Variants in DNAH3 observed in about 807,000 individuals in gnomAD.
DNAH3 encodes dynein axonemal heavy chain 3, also known as axonemal beta dynein heavy chain 3.
Under a neutral mutation model 432.5 loss-of-function variants are expected in DNAH3, and 332 were observed. That is an observed-to-expected ratio of 0.77 (90% CI 0.70 to 0.84). The LOEUF (loss-of-function observed/expected upper bound fraction) is 0.84, where lower values mean the gene tolerates loss of function less well. DNAH3 is among the 40% of genes least tolerant of loss of function. The probability of loss-of-function intolerance (pLI) is 0.00; values close to 1 mark genes in which losing one functional copy is unlikely to be tolerated. For missense variants in DNAH3, 4,861 were observed against 5,114.0 expected, an observed-to-expected ratio of 0.95 and a Z score of 1.51; for synonymous variants, 1,956 against 1,900.2, an observed-to-expected ratio of 1.03 and a Z score of -0.76.
In DNAH3 at chr16:21,031,095, C is replaced by T. The variant is rs776053278; in HGVS notation, c.5389G>A (p.Asp1797Asn). 3 of 1,614,148 alleles carry T rather than the reference C, an allele frequency of 1.9e-6. No homozygotes were observed. The highest frequency in any genetic ancestry group is 4.5e-5 in the East Asian group (2 of 44,884). ...TTCATATTTTCAATCCAAATAGCAT[C>T]CACTGGCCCATCAAATATAATCCAC... The change falls in exon 37 of 62, where the codon GAT becomes AAT. Residue 1797 changes from aspartate (D) to asparagine (N), a missense_variant. Transcript: ENST00000261383.
intron 26 of DNAH3, 128 bp from the exon 27 acceptor site, chr16:21,058,324 C>T (rs72780846): frequency 0.096 from 51,613 of 539,148 alleles, 2,660 homozygotes; most frequent in South Asian, 0.11. Context: ...TCAGACGCTA[C>T]AAGGCTTGAC....
intron 1 of DNAH3, among the ~76,000 whole-genome samples, chr16:21,158,983 C>T (rs1432948608): frequency 2.0e-5 from 3 of 151,684 alleles, no homozygotes; most frequent in Non-Finnish European, 2.9e-5. Context: ...TAAATGCACA[C>T]TCACCCCGCC....
At chr16:20,944,475 C>A in intron 58 of DNAH3, 21 bp downstream of exon 58, 2 of 1,613,690 alleles carry the variant, frequency 1.2e-6, no homozygotes, top group Non-Finnish European at 1.7e-6. Flanking sequence ...GGATTAAGCC[C>A]CCTTTCCCGA....
At chr16:21,019,985 G>T in intron 40 of DNAH3, 116 bp from the exon 41 acceptor site, 3 of 1,173,570 alleles carry the variant, frequency 2.6e-6, no homozygotes, top group African/African-American at 1.5e-5. Flanking sequence ...ACTGATATTG[G>T]CAGAGTGCCT....
rs2090023668 is a variant in DNAH3, at chr16:21,053,385, AG to A, written c.4039+1034del. On this transcript the variant is annotated intron_variant, in intron 28 of 61. Coordinates refer to ENST00000261383, the Ensembl canonical transcript of DNAH3. Reference sequence around the variant, plus strand: ...GTATGGTATGCCTGAGGGATCCAAGAGGAAAGCGAATTTCAAGGGTTTGAGT... The same window carrying A: ...GTATGGTATGCCTGAGGGATCCAAGAGAAAGCGAATTTCAAGGGTTTGAGT... Among the ~76,000 whole-genome samples, 8 of 152,144 alleles carry A rather than the reference AG, an allele frequency of 5.3e-5. 1 individual carries two copies. The highest frequency in any genetic ancestry group is 5.2e-4 in the Admixed American group (8 of 15,280).
rs1245657504 is a variant in DNAH3 at position 20,994,586 on chromosome 16, T to C, written c.6601+2697A>G. Among the ~76,000 whole-genome samples the C allele has an allele frequency of 4.6e-5, 7 of 152,228 alleles. No homozygotes were observed. The East Asian group carries it at 1.3e-3, about 29-fold the overall frequency. On this transcript the variant is annotated intron_variant, in intron 44 of 61. Coordinates refer to ENST00000261383, the Ensembl canonical transcript of DNAH3. ...GTCGTGCAACCATCTCCACCATTCATCTACAGAACTTTCATCTTCCCAAAC... is the reference window on the plus strand; with the variant it reads ...GTCGTGCAACCATCTCCACCATTCACCTACAGAACTTTCATCTTCCCAAAC...
At chr16:20,956,056 T>A (rs1486726897) in intron 54 of DNAH3, among the ~76,000 whole-genome samples, 1 of 151,750 alleles carries the variant, frequency 6.6e-6, no homozygotes, top group Non-Finnish European at 1.5e-5. Context: ...GCCTCCCGAG[T>A]AGCTGGGACT....
At chr16:21,094,914 G>A (rs371574441) in intron 18 of DNAH3, among the ~76,000 whole-genome samples, 18 of 152,078 alleles carry the variant, frequency 1.2e-4, no homozygotes, top group East Asian at 3.9e-4. Context: ...CTTGCCTGCC[G>A]CCATGTAAGA....
At chr16:20,952,343 T>A in intron 56 of DNAH3, 90 bp downstream of exon 56, 1 of 783,816 alleles carries the variant, frequency 1.3e-6, no homozygotes, top group Non-Finnish European at 2.3e-6. Flanking sequence ...AGGGAGGGAG[T>A]ACATAAGTGA....
intron 18 of DNAH3, among the ~76,000 whole-genome samples, chr16:21,094,704 T>C (rs1204476631): frequency 6.6e-6 from 1 of 152,074 alleles, no homozygotes; most frequent in Non-Finnish European, 1.5e-5. Flanking sequence ...ACCCAGTGGC[T>C]GGTTGATATG....
At position 21,019,612 on chromosome 16, in the gene DNAH3, G is replaced by A. The variant is rs1200859046; in HGVS notation, c.6022+12C>T. 1 of 1,613,934 alleles carries A rather than the reference G, an allele frequency of 6.2e-7. No homozygotes were observed. Among genetic ancestry groups the A allele is most frequent in the Admixed American group, 1.7e-5 (1 of 59,966 alleles). On this transcript the variant is annotated intron_variant, in intron 41 of 61. Coordinates refer to ENST00000261383, the Ensembl canonical transcript of DNAH3. ...TATTATACTAGAACATAACAAACAG[G>A]TTCTAAATTACCTCTTTCTGGAAAG... is the stretch of plus-strand genomic sequence containing the variant.
chr16:21,097,948 G>A (rs2091731606), intron 17 of DNAH3, among the ~76,000 whole-genome samples: 2 of 152,148 alleles, frequency 1.3e-5, no homozygotes. Flanking sequence ...GATAAGTGAG[G>A]ATAATAACAG....
intron 6 of DNAH3, among the ~76,000 whole-genome samples, chr16:21,135,551 G>T (rs1666113835): frequency 6.6e-6 from 1 of 152,062 alleles, no homozygotes; most frequent in African/African-American, 2.4e-5. Context: ...AAATTAGCTG[G>T]GAGTGGTGGT....
chr16:20,972,085 G>A (rs2085365588), intron 51 of DNAH3, among the ~76,000 whole-genome samples: 1 of 152,176 alleles, frequency 6.6e-6, no homozygotes, highest in Non-Finnish European at 1.5e-5. Context: ...GGACTTTGGT[G>A]AATTGGAACA....
At chr16:21,083,879 C>T (rs2091277444) in intron 19 of DNAH3, among the ~76,000 whole-genome samples, 1 of 152,124 alleles carries the variant, frequency 6.6e-6, no homozygotes, top group African/African-American at 2.4e-5. Flanking sequence ...ATCTAGGGGC[C>T]TTTGTCCTTT....
At chr16:20,972,288 C>T (rs2152640502) in intron 51 of DNAH3, among the ~76,000 whole-genome samples, 1 of 151,010 alleles carries the variant, frequency 6.6e-6, no homozygotes, top group East Asian at 1.9e-4. Context: ...GGCTAGAGTG[C>T]AGTGGTGGGA....
chr16:21,114,361 G>GT (rs71818193), intron 12 of DNAH3, among the ~76,000 whole-genome samples: 132 of 79,194 alleles, frequency 1.7e-3, no homozygotes, highest in African/African-American at 6.8e-3. Context: ...TGGCTGGACA[G>GT]TTTCCCCAAA....
intron 25 of DNAH3, among the ~76,000 whole-genome samples, chr16:21,061,043 T>G (rs1331781055): frequency 6.6e-6 from 1 of 151,312 alleles, no homozygotes; most frequent in Non-Finnish European, 1.5e-5. Context: ...CTCTCTATGT[T>G]GCCCAGGCTG....
intron 23 of DNAH3, among the ~76,000 whole-genome samples, chr16:21,069,101 G>A (rs1176968073): frequency 6.6e-6 from 1 of 151,150 alleles, no homozygotes; most frequent in Non-Finnish European, 1.5e-5. Flanking sequence ...ATATTTGTGT[G>A]TGTGTGTGTG....
Sources: allele counts gnomAD v4.1 joint callset (sites outside exome capture counted in the v4.1 genomes callset), GRCh38; gene constraint gnomAD v4.1.1; transcripts MANE v1.5; gene names NCBI Gene and HGNC (gene_info 2026-07-23, HGNC 2026-07-21).